SNORD118: variants seen among roughly 807,000 people sequenced by gnomAD.
SNORD118 encodes small nucleolar RNA, C/D box 118.
rs759125251 is a variant in SNORD118 at position 8,173,551 on chromosome 17, C to CAA, written n.36_37insTT. The stretch of plus-strand genomic sequence containing the variant: ...AATCATCATGTTCTAATCTGCCCTC[C>CAA]GGAGGAGGAACAGGTAAGGATTATC... On this transcript the variant is annotated non_coding_transcript_exon_variant, in exon 1 of 1. Transcript: ENST00000363593. 7.8e-6 allele frequency: 6 copies of CAA among 765,142 alleles called. No individual in the cohort carries two copies. The African/African-American group carries it at 1.0e-4, about 13-fold the overall frequency. The allele number at this position is 765,142 out of a possible 1,614,324, so 47.4% of individuals were successfully genotyped here.
In SNORD118 at chr17:8,173,562, C is replaced by T. The variant is rs185052658; in HGVS notation, n.26G>A. 4.0e-4 allele frequency: 306 copies of T among 765,310 alleles called. 4 individuals carry two copies. The highest frequency in any genetic ancestry group is 2.3e-3 in the South Asian group (171 of 74,602). The allele number at this position is 765,310 out of a possible 1,614,324, so 47.4% of individuals were successfully genotyped here. A position where few individuals can be genotyped will look rare whatever the true frequency, so the allele number is the denominator to read the frequency against. ...TCTAATCTGCCCTCCGGAGGAGGAA[C>T]AGGTAAGGATTATCCCACCTGACGA... On this transcript the variant is annotated non_coding_transcript_exon_variant, in exon 1 of 1. Coordinates refer to ENST00000363593, the Ensembl canonical transcript of SNORD118.
chr17:8,173,469 T>A (rs758890705), exon 1 of SNORD118: 10 of 764,380 alleles, frequency 1.3e-5, no homozygotes, highest in East Asian at 7.3e-5. Context: ...ACAGGAGCAA[T>A]CAGGGTGTTG....
At chr17:8,173,556 G>C (rs116658491) in exon 1 of SNORD118, 9 of 765,354 alleles carry the variant, frequency 1.2e-5, no homozygotes, top group Non-Finnish European at 1.9e-5. Context: ...CCCTCCGGAG[G>C]AGGAACAGGT....
At chr17:8,173,471 A>C (rs1567550049) in exon 1 of SNORD118, 8 of 764,646 alleles carry the variant, frequency 1.0e-5, no homozygotes, top group East Asian at 2.4e-5. Context: ...AGGAGCAATC[A>C]GGGTGTTGCA....
exon 1 of SNORD118, chr17:8,173,553 G>T (rs77558339): frequency 1.3e-6 from 1 of 765,310 alleles, no homozygotes; most frequent in Non-Finnish European, 2.4e-6. Flanking sequence ...CTGCCCTCCG[G>T]AGGAGGAACA....
chr17:8,173,563 A>G, exon 1 of SNORD118: 1 of 765,332 alleles, frequency 1.3e-6, no homozygotes, highest in Non-Finnish European at 2.4e-6. Context: ...GAGGAGGAAC[A>G]GGTAAGGATT....
At position 8,173,506 on chromosome 17, in the gene SNORD118, A is replaced by AT. The variant is rs750431564; in HGVS notation, n.81dup. The AT allele has an allele frequency of 1.7e-5, 13 of 765,344 alleles. No homozygotes were observed. The highest frequency in any genetic ancestry group is 1.7e-4 in the Admixed American group (10 of 59,020). 47.4% of individuals were successfully genotyped at this position (765,344 alleles called of 1,614,324 possible). ...AAGTCCTGATTACGCAGAGACGTTAATCACGTTTCATGCATCTCCAATCAT... is the reference window on the plus strand; with the variant it reads ...AAGTCCTGATTACGCAGAGACGTTAATTCACGTTTCATGCATCTCCAATCAT... On this transcript the variant is annotated non_coding_transcript_exon_variant, in exon 1 of 1. Coordinates refer to ENST00000363593, the Ensembl canonical transcript of SNORD118.
chr17:8,173,562 C>CG lies in SNORD118; in HGVS notation n.25_26insC, dbSNP rs758927280. The CG allele has an allele frequency of 9.1e-6, 7 of 765,310 alleles. No individual in the cohort carries two copies. The Admixed American group carries it at 1.0e-4, about 11-fold the overall frequency. The allele number at this position is 765,310 out of a possible 1,614,324, so 47.4% of individuals were successfully genotyped here. A position where few individuals can be genotyped will look rare whatever the true frequency, so the allele number is the denominator to read the frequency against. ...TCTAATCTGCCCTCCGGAGGAGGAA[C>CG]AGGTAAGGATTATCCCACCTGACGA... On this transcript the variant is annotated non_coding_transcript_exon_variant, in exon 1 of 1. Transcript: ENST00000363593.
chr17:8,173,526 A>AATCATCATGTTCT, exon 1 of SNORD118: 1 of 765,428 alleles, frequency 1.3e-6, no homozygotes, highest in South Asian at 1.3e-5. Flanking sequence ...ATGCATCTCC[A>AATCATCATGTTCT]ATCATCATGT....
At position 8,173,524 on chromosome 17, in the gene SNORD118, CCAAT is replaced by C. The variant is rs1209300460; in HGVS notation, n.60_63del. Reference sequence around the variant, plus strand: ...GACGTTAATCACGTTTCATGCATCTCCAATCATCATGTTCTAATCTGCCCTCCGG... The same window carrying C: ...GACGTTAATCACGTTTCATGCATCTCCATCATGTTCTAATCTGCCCTCCGG... On this transcript the variant is annotated non_coding_transcript_exon_variant, in exon 1 of 1. Transcript: ENST00000363593. 5 of 765,260 alleles carry C rather than the reference CCAAT, an allele frequency of 6.5e-6. No homozygotes were observed. In the African/African-American group the frequency reaches 6.8e-5, roughly 10 times the overall value. The allele number at this position is 765,260 out of a possible 1,614,324, so 47.4% of individuals were successfully genotyped here. A position where few individuals can be genotyped will look rare whatever the true frequency, so the allele number is the denominator to read the frequency against.
At chr17:8,173,497 G>GC (rs1555525578) in exon 1 of SNORD118, 2 of 765,264 alleles carry the variant, frequency 2.6e-6, no homozygotes, top group Non-Finnish European at 4.8e-6. Flanking sequence ...TGATTACGCA[G>GC]AGACGTTAAT....
At chr17:8,173,461 AGGAGCAATCAG>A in exon 1 of SNORD118, 1 of 764,172 alleles carries the variant, frequency 1.3e-6, no homozygotes, top group South Asian at 1.3e-5. Context: ...AGAATCAGAC[AGGAGCAATCAG>A]GGTGTTGCAA....
exon 1 of SNORD118, chr17:8,173,471 A>T (rs1567550049): frequency 2.6e-6 from 2 of 764,646 alleles, no homozygotes; most frequent in Admixed American, 1.7e-5. Context: ...AGGAGCAATC[A>T]GGGTGTTGCA....
chr17:8,173,527 A>C (rs761878851), exon 1 of SNORD118: 4 of 765,428 alleles, frequency 5.2e-6, no homozygotes, highest in South Asian at 2.7e-5. Context: ...TGCATCTCCA[A>C]TCATCATGTT....
At chr17:8,173,518 G>T (rs139357518) in exon 1 of SNORD118, 18 of 765,268 alleles carry the variant, frequency 2.4e-5, no homozygotes, top group Non-Finnish European at 3.6e-5. Flanking sequence ...CACGTTTCAT[G>T]CATCTCCAAT....
At chr17:8,173,535 G>T (rs73245429) in exon 1 of SNORD118, 3 of 765,404 alleles carry the variant, frequency 3.9e-6, no homozygotes, top group Admixed American at 1.7e-5. Flanking sequence ...CAATCATCAT[G>T]TTCTAATCTG....
rs77558339 is a variant in SNORD118, at chr17:8,173,553, G to A, written n.35C>T. ...TCATCATGTTCTAATCTGCCCTCCGGAGGAGGAACAGGTAAGGATTATCCC... is the reference window on the plus strand; with the variant it reads ...TCATCATGTTCTAATCTGCCCTCCGAAGGAGGAACAGGTAAGGATTATCCC... On this transcript the variant is annotated non_coding_transcript_exon_variant, in exon 1 of 1. Transcript: ENST00000363593. 42,309 of 765,226 alleles carry A rather than the reference G, an allele frequency of 0.055. 1,699 individuals carry two copies. Among genetic ancestry groups the A allele is most frequent in the South Asian group, 0.14 (10,137 of 74,592 alleles). 47.4% of individuals were successfully genotyped at this position (765,226 alleles called of 1,614,324 possible). A position where few individuals can be genotyped will look rare whatever the true frequency, so the allele number is the denominator to read the frequency against.
exon 1 of SNORD118, chr17:8,173,514 T>TA (rs765804783): frequency 9.1e-6 from 7 of 765,386 alleles, no homozygotes; most frequent in African/African-American, 1.7e-5. Flanking sequence ...TAATCACGTT[T>TA]CATGCATCTC....
rs755495846 is a variant in SNORD118, at chr17:8,173,531, T to G, written n.57A>C. 7 of 765,312 alleles carry G rather than the reference T, an allele frequency of 9.1e-6. No individual in the cohort carries two copies. The highest frequency in any genetic ancestry group is 1.7e-5 in the Non-Finnish European group (7 of 418,040). The allele number at this position is 765,312 out of a possible 1,614,324, so 47.4% of individuals were successfully genotyped here. A position where few individuals can be genotyped will look rare whatever the true frequency, so the allele number is the denominator to read the frequency against. On this transcript the variant is annotated non_coding_transcript_exon_variant, in exon 1 of 1. Transcript: ENST00000363593. ...ATCACGTTTCATGCATCTCCAATCA[T>G]CATGTTCTAATCTGCCCTCCGGAGG... is the stretch of plus-strand genomic sequence containing the variant.
Sources: gnomAD v4.1 joint callset for allele counts on GRCh38, gnomAD v4.1.1 for gene constraint, MANE v1.5 for transcripts, NCBI Gene and HGNC (gene_info 2026-07-23, HGNC 2026-07-21) for gene names.